The following CYP4F12 variants were observed in gnomAD, a reference collection of about 807,000 sequenced individuals.
The protein encoded by CYP4F12 is cytochrome P450 family 4 subfamily F member 12, also known as cytochrome P450 4F12.
A neutral mutation model predicts 56.5 loss-of-function variants in CYP4F12; 60 were observed. The ratio of observed to expected loss-of-function variants is 1.06; its 90% CI spans 0.86 to 1.32. The LOEUF is 1.32. Among genes scored for constraint, CYP4F12 ranks in the 40% most tolerant of loss-of-function variants. The probability of loss-of-function intolerance (pLI) is 0.00; values close to 1 mark genes in which losing one functional copy is unlikely to be tolerated. For missense variants in CYP4F12, 711 were observed against 683.5 expected (o/e 1.04, Z -0.45); for synonymous variants, 263 against 264.9 (o/e 0.99, Z 0.07).
rs1336054434 is a variant in CYP4F12, at chr19:15,673,579, C to A, written c.50C>A (p.Ser17Tyr). The A allele has an allele frequency of 1.2e-6, 2 of 1,613,972 alleles. No individual in the cohort carries two copies. Among genetic ancestry groups the A allele is most frequent in the East Asian group, 4.5e-5 (2 of 44,882 alleles). Residue 17 changes from serine to tyrosine, a missense_variant, in exon 2 of 13, where the codon TCC becomes TAC. Transcript: ENST00000550308. ...CTGGGCCTCAGACCGGTGGCAACGT[C>A]CCCATGGCTACTCCTGCTGCTGGTT... ...PWLGLRPVAT[S>Y]PWLLLLLVVG...
intron 9 of CYP4F12, 35 bp from the exon 10 acceptor site, chr19:15,695,901 C>T: frequency 6.3e-7 from 1 of 1,589,714 alleles, no homozygotes; most frequent in East Asian, 2.3e-5. Flanking sequence ...GTATTTGTTC[C>T]CTTGATAATG....
intron 8 of CYP4F12, 36 bp from the exon 9 acceptor site, chr19:15,685,030 TCC>T: frequency 6.2e-7 from 1 of 1,606,004 alleles, no homozygotes; most frequent in Non-Finnish European, 8.5e-7. Flanking sequence ...CTGTCCACCC[TCC>T]GGTGCTGAAG....
At position 15,682,411 on chromosome 19, in the gene CYP4F12, C is replaced by T; in HGVS notation, c.548C>T (p.Ser183Leu). Residue 183 changes from serine (S) to leucine (L), a missense_variant, in exon 6 of 13, where the codon TCA (serine) becomes TTA (leucine). Ser to Leu is a moderately radical substitution (Grantham distance 145). Coordinates refer to ENST00000550308, the MANE Select transcript of CYP4F12 (RefSeq NM_023944.4). ...IMLDKWQHLA[S>L]EGSSRLDMFE... ...CAGGACAAGTGGCAGCACCTGGCCT[C>T]AGAGGGCAGCAGTCGTCTGGACATG... 6.2e-7 allele frequency: 1 copy of T among 1,613,500 alleles called. No individual in the cohort carries two copies. Among genetic ancestry groups the T allele is most frequent in the South Asian group, 1.1e-5 (1 of 91,076 alleles).
In CYP4F12 at chr19:15,696,145, C is replaced by T; in HGVS notation, c.1250-16C>T. ...TCAGGGGATCCTTGTCCTGACTGCCCCTTTCTCTCCCACAGGCATTACCTG... is the reference window on the plus strand; with the variant it reads ...TCAGGGGATCCTTGTCCTGACTGCCTCTTTCTCTCCCACAGGCATTACCTG... On this transcript the variant is annotated splice_polypyrimidine_tract_variant and intron_variant, in intron 10 of 12. Transcript: ENST00000550308. 5 of 1,613,180 alleles carry T rather than the reference C, an allele frequency of 3.1e-6. No homozygotes were observed. The highest frequency in any genetic ancestry group is 4.2e-6 in the Non-Finnish European group (5 of 1,179,454).
At chr19:15,686,025 C>A (rs998228337) in intron 9 of CYP4F12, among the ~76,000 whole-genome samples, 6 of 152,214 alleles carry the variant, frequency 3.9e-5, no homozygotes, top group Admixed American at 1.3e-4. Flanking sequence ...TGGAAAGAAC[C>A]CTGCCTATGG....
intron 9 of CYP4F12, among the ~76,000 whole-genome samples, chr19:15,694,120 C>G (rs560540816): frequency 1.5e-3 from 227 of 151,666 alleles, no homozygotes; most frequent in African/African-American, 5.4e-3. Flanking sequence ...AGTCAAGTAG[C>G]ATGATGCCTC....
chr19:15,681,515 T>G (rs1189014260), intron 5 of CYP4F12: 3 of 152,270 alleles, frequency 2.0e-5, no homozygotes, highest in Non-Finnish European at 4.4e-5. Flanking sequence ...ATCCTTTTTC[T>G]GAGTCAACCT....
In CYP4F12 at chr19:15,696,590, C is replaced by A; in HGVS notation, c.1397+78C>A. ...AAAAAAGGGGGACGTTGCAGATGGT[C>A]CCAGTTCCAGCTCTCCTTCCCTCCA... is the stretch of plus-strand genomic sequence containing the variant. On this transcript the variant is annotated intron_variant, in intron 12 of 12. Coordinates refer to ENST00000550308, the MANE Select transcript of CYP4F12 (RefSeq NM_023944.4). The A allele has an allele frequency of 5.4e-6, 8 of 1,481,546 alleles. No individual in the cohort carries two copies. The South Asian group carries it at 9.7e-5, about 18-fold the overall frequency. The allele number at this position is 1,481,546 out of a possible 1,614,324, so 91.8% of individuals were successfully genotyped here.
intron 9 of CYP4F12, among the ~76,000 whole-genome samples, chr19:15,688,283 C>T (rs58114038): frequency 0.04 from 6,079 of 152,058 alleles, 452 homozygotes; most frequent in African/African-American, 0.14. Flanking sequence ...GGCAGTTATA[C>T]TCACCTCTGG....
At position 15,697,003 on chromosome 19, in the gene CYP4F12, C is replaced by G; in HGVS notation, c.1493C>G (p.Pro498Arg). ...CGGTTCCTGCCAGACCACACTGAGC[C>G]CCGCAGGAAGCTGGAATTGATCATG... is the stretch of plus-strand genomic sequence containing the variant. Reference protein sequence around the residue: ...HFRFLPDHTEPRRKLELIMRA... With the variant: ...HFRFLPDHTERRRKLELIMRA... Residue 498 changes from proline to arginine, a missense_variant, in exon 13 of 13, where the codon CCC (proline) becomes CGC (arginine). By Grantham distance (103) the Pro-to-Arg change is moderately radical. Transcript: ENST00000550308. The G allele has an allele frequency of 6.2e-7, 1 of 1,614,218 alleles. No homozygotes were observed. The highest frequency in any genetic ancestry group is 8.5e-7 in the Non-Finnish European group (1 of 1,180,028).
At chr19:15,673,315 C>A (rs1363551115) in intron 1 of CYP4F12, 180 bp downstream of exon 1, 11 of 587,006 alleles carry the variant, frequency 1.9e-5, no homozygotes, top group Non-Finnish European at 3.4e-5. Flanking sequence ...CGGCCCATCT[C>A]TTTCCCTTTC....
At position 15,697,144 on chromosome 19, in the gene CYP4F12, C is replaced by A; in HGVS notation, c.*59C>A. 6.4e-7 allele frequency: 1 copy of A among 1,562,490 alleles called. No homozygotes were observed. Among genetic ancestry groups the A allele is most frequent in the Non-Finnish European group, 8.7e-7 (1 of 1,147,632 alleles). ...TGTCATGAATAAAACGGTGCTGTCA[C>A]CTCTGCCTGGGCCTCACTGACAGCC... is the stretch of plus-strand genomic sequence containing the variant. On this transcript the variant is annotated 3_prime_UTR_variant, in exon 13 of 13. Transcript: ENST00000550308.
intron 6 of CYP4F12, 103 bp downstream of exon 6, chr19:15,682,613 T>C (rs2007368923): frequency 3.3e-6 from 5 of 1,533,530 alleles, no homozygotes; most frequent in Non-Finnish European, 4.5e-6. Context: ...TTCGGGAGGA[T>C]TTGTATCATA....
intron 9 of CYP4F12, among the ~76,000 whole-genome samples, chr19:15,693,460 C>T (rs2007969847): frequency 6.6e-6 from 1 of 152,168 alleles, no homozygotes; most frequent in African/African-American, 2.4e-5. Flanking sequence ...TTGCCTGACT[C>T]TCGTGTTTTT....
intron 9 of CYP4F12, among the ~76,000 whole-genome samples, chr19:15,691,490 T>C (rs550467038): frequency 7.4e-4 from 113 of 152,302 alleles, no homozygotes; most frequent in Admixed American, 1.8e-3. Context: ...TATTATTGTA[T>C]TATTAAATTT....
At chr19:15,690,016 G>T (rs1404495373) in intron 9 of CYP4F12, among the ~76,000 whole-genome samples, 2 of 152,162 alleles carry the variant, frequency 1.3e-5, no homozygotes, top group Non-Finnish European at 2.9e-5. Flanking sequence ...CACTGCATGG[G>T]TGATGGGTGC....
chr19:15,688,240 C>T (rs1017881292), intron 9 of CYP4F12, among the ~76,000 whole-genome samples: 3 of 152,104 alleles, frequency 2.0e-5, no homozygotes, highest in South Asian at 2.1e-4. Context: ...CTGCTACTCT[C>T]CACTCCCTTG....
chr19:15,678,219 A>C, intron 2 of CYP4F12, 42 bp from the exon 3 acceptor site: 1 of 1,612,912 alleles, frequency 6.2e-7, no homozygotes, highest in Non-Finnish European at 8.5e-7. Flanking sequence ...GACACCTAAA[A>C]TTAACCATCA....
chr19:15,680,653 T>TTTTACAGATGAGGAAA, intron 5 of CYP4F12, 134 bp downstream of exon 5: 1 of 1,186,484 alleles, frequency 8.4e-7, no homozygotes, highest in African/African-American at 1.5e-5. Context: ...GGTTTCCTCA[T>TTTTACAGATGAGGAAA]CTGTAAAATG....
Sources: allele counts gnomAD v4.1 joint callset (sites outside exome capture counted in the v4.1 genomes callset), GRCh38; gene constraint gnomAD v4.1.1; transcripts MANE v1.5; gene names NCBI Gene and HGNC (gene_info 2026-07-23, HGNC 2026-07-21).